The following CNTNAP3B variants were observed in gnomAD, a reference collection of about 807,000 sequenced individuals.
The protein encoded by CNTNAP3B is contactin-associated protein-like 3B.
Under a neutral mutation model 108.9 loss-of-function variants are expected in CNTNAP3B, and 25 were observed. That is an observed-to-expected ratio of 0.23 (90% CI 0.17 to 0.32). The LOEUF (loss-of-function observed/expected upper bound fraction) is 0.32. Among genes scored for constraint, CNTNAP3B ranks in the 10% least tolerant of loss-of-function variants. The pLI is 1.00. For missense variants in CNTNAP3B, 252 were observed against 1,210.4 expected, an observed-to-expected ratio of 0.21 and a Z score of 11.75; for synonymous variants, 103 against 473.4, an observed-to-expected ratio of 0.22 and a Z score of 10.16.
rs567652726 is a variant in CNTNAP3B, at chr9:42,129,260, C to T, written c.-166G>A. On this transcript the variant is annotated 5_prime_UTR_variant, in exon 1 of 24. Coordinates refer to ENST00000377561, the MANE Select transcript of CNTNAP3B (RefSeq NM_001201380.3). ...TTCCTCACGCACTGGCAGCCTCCCT[C>T]GGCGCTGCAGACCCTCCCGCCAAGC... 2,647 of 1,055,584 alleles carry T rather than the reference C, an allele frequency of 2.5e-3. 11 individuals carry two copies. The highest frequency in any genetic ancestry group is 0.017 in the Middle Eastern group (51 of 3,066). The allele number at this position is 1,055,584 out of a possible 1,614,324, so 65.4% of individuals were successfully genotyped here. A position where few individuals can be genotyped will look rare whatever the true frequency, so the allele number is the denominator to read the frequency against.
intron 3 of CNTNAP3B, among the ~76,000 whole-genome samples, chr9:42,044,385 C>T (rs889725243): frequency 6.7e-6 from 1 of 150,180 alleles, no homozygotes; most frequent in Admixed American, 6.6e-5. Context: ...GTATCACCTC[C>T]ATTTCTCACA....
Position 41,926,353 on chromosome 9 carries a change from T to C in CNTNAP3B, c.2366-2260A>G, listed in dbSNP as rs1258546373. 6.6e-5 allele frequency among the ~76,000 whole-genome samples: 10 copies of C among 152,386 alleles called. No individual in the cohort carries two copies. In the East Asian group the frequency reaches 7.7e-4, roughly 12 times the overall value. ...AAGGGAAAAGAATCAATAAGTGTTA[T>C]GTTAAAGAAAACAGAGATGAAGATA... On this transcript the variant is annotated intron_variant, in intron 15 of 23. Coordinates refer to ENST00000377561, the MANE Select transcript of CNTNAP3B (RefSeq NM_001201380.3).
chr9:41,947,262 GGGAGCCAAACA>G (rs1349102691), intron 13 of CNTNAP3B, among the ~76,000 whole-genome samples: 1 of 151,588 alleles, frequency 6.6e-6, no homozygotes, highest in Non-Finnish European at 1.5e-5. Context: ...CCATATCCCT[GGGAGCCAAACA>G]AACCTCAACA....
At chr9:42,105,731 AC>A (rs1173920743) in intron 1 of CNTNAP3B, among the ~76,000 whole-genome samples, 7 of 99,972 alleles carry the variant, frequency 7.0e-5, no homozygotes, top group Non-Finnish European at 1.5e-4. Flanking sequence ...TCCTGTAATC[AC>A]TGTACTTTCA....
At position 42,116,652 on chromosome 9, in the gene CNTNAP3B, G is replaced by A. The variant is rs1339909025; in HGVS notation, c.86-11913C>T. Among the ~76,000 whole-genome samples, 5 of 139,404 alleles carry A rather than the reference G, an allele frequency of 3.6e-5. 2 individuals are homozygous for A. Among genetic ancestry groups the A allele is most frequent in the African/African-American group, 1.4e-4 (5 of 35,070 alleles). The allele number at this position is 139,404 out of a possible 152,430, so 91.5% of individuals were successfully genotyped here. A position where few individuals can be genotyped will look rare whatever the true frequency, so the allele number is the denominator to read the frequency against. ...ATAACCAGTTAACATCATAATGACAGGATCAAATTCACACATAACAATATT... is the reference window on the plus strand; with the variant it reads ...ATAACCAGTTAACATCATAATGACAAGATCAAATTCACACATAACAATATT... On this transcript the variant is annotated intron_variant, in intron 1 of 23. Coordinates refer to ENST00000377561, the MANE Select transcript of CNTNAP3B (RefSeq NM_001201380.3).
chr9:42,060,486 C>CT (rs531773522), intron 3 of CNTNAP3B, among the ~76,000 whole-genome samples: 1,015 of 89,466 alleles, frequency 0.011, 18 homozygotes, highest in South Asian at 0.046. Flanking sequence ...CTATAATTGT[C>CT]TTTTTTTGTA....
rs867910355 is a variant in CNTNAP3B, at chr9:42,001,442, A to G, written c.539-2838T>C. ...AAAAAAACAGTTCTACCTAGCCATA[A>G]TCAATGCAAATATTCCCCTACAATA... On this transcript the variant is annotated intron_variant, in intron 4 of 23. Coordinates refer to ENST00000377561, the MANE Select transcript of CNTNAP3B (RefSeq NM_001201380.3). Among the ~76,000 whole-genome samples the G allele has an allele frequency of 5.1e-3, 682 of 134,488 alleles. 126 individuals are homozygous for G. Among genetic ancestry groups the G allele is most frequent in the African/African-American group, 0.019 (640 of 33,416 alleles). 88.2% of individuals were successfully genotyped at this position (134,488 alleles called of 152,430 possible). A position where few individuals can be genotyped will look rare whatever the true frequency, so the allele number is the denominator to read the frequency against.
intron 9 of CNTNAP3B, chr9:41,983,824 C>T (rs374296334): frequency 1.2e-5 from 1 of 85,494 alleles, no homozygotes; most frequent in African/African-American, 4.4e-5. Flanking sequence ...CCGAGGCGGT[C>T]GAATCACAAG....
chr9:41,964,745 A>G, intron 10 of CNTNAP3B, 101 bp from the exon 11 acceptor site: 1 of 1,473,050 alleles, frequency 6.8e-7, no homozygotes, highest in Non-Finnish European at 9.1e-7. Flanking sequence ...CATACGCAAG[A>G]TAACCCCACA....
At chr9:42,060,151 C>T (rs1354537159) in intron 3 of CNTNAP3B, among the ~76,000 whole-genome samples, 5 of 139,306 alleles carry the variant, frequency 3.6e-5, no homozygotes, top group Non-Finnish European at 6.2e-5. Flanking sequence ...AGGATGTTAG[C>T]TGAGGGTTTG....
In CNTNAP3B at chr9:42,121,342, T is replaced by A. The variant is rs1366044874; in HGVS notation, c.85+7668A>T. Among the ~76,000 whole-genome samples, 11 of 139,490 alleles carry A rather than the reference T, an allele frequency of 7.9e-5. 3 individuals are homozygous for A. The highest frequency in any genetic ancestry group is 3.1e-4 in the African/African-American group (11 of 35,124). The allele number at this position is 139,490 out of a possible 152,430, so 91.5% of individuals were successfully genotyped here. A position where few individuals can be genotyped will look rare whatever the true frequency, so the allele number is the denominator to read the frequency against. ...AGCTCACTTTCTAAAAGAGGCTACC[T>A]GCACAAACGCCCATCACAGGCTCAG... On this transcript the variant is annotated intron_variant, in intron 1 of 23. Transcript: ENST00000377561.
At chr9:41,956,575 A>G (rs1370695509) in intron 12 of CNTNAP3B, among the ~76,000 whole-genome samples, 1 of 151,044 alleles carries the variant, frequency 6.6e-6, no homozygotes, top group African/African-American at 2.4e-5. Flanking sequence ...ATGTCCCAGA[A>G]GAAAAAAGAA....
chr9:42,078,676 A>G lies in CNTNAP3B; in HGVS notation c.197-1614T>C, dbSNP rs376039523. Reference sequence around the variant, plus strand: ...GGACACAGCTCTTGTTCAAAGTTAAATGTTCTGCTATAGATCAGGGGCATC... The same window carrying G: ...GGACACAGCTCTTGTTCAAAGTTAAGTGTTCTGCTATAGATCAGGGGCATC... On this transcript the variant is annotated intron_variant, in intron 2 of 23. Coordinates refer to ENST00000377561, the MANE Select transcript of CNTNAP3B (RefSeq NM_001201380.3). Among the ~76,000 whole-genome samples the G allele has an allele frequency of 1.3e-3, 157 of 121,948 alleles. 3 individuals carry two copies. The highest frequency in any genetic ancestry group is 4.2e-3 in the South Asian group (16 of 3,836). 80.0% of individuals were successfully genotyped at this position (121,948 alleles called of 152,430 possible).
chr9:42,094,474 A>G lies in CNTNAP3B; in HGVS notation c.196+10155T>C, dbSNP rs1777511432. 1.6e-5 allele frequency among the ~76,000 whole-genome samples: 2 copies of G among 128,984 alleles called. 1 individual carries two copies. Among genetic ancestry groups the G allele is most frequent in the African/African-American group, 6.3e-5 (2 of 31,662 alleles). 84.6% of individuals were successfully genotyped at this position (128,984 alleles called of 152,430 possible). Reference sequence around the variant, plus strand: ...ATTCAAGACCAGCCTGAGCAACATAATGAGATCCCATCTTTACAAAAAATA... The same window carrying G: ...ATTCAAGACCAGCCTGAGCAACATAGTGAGATCCCATCTTTACAAAAAATA... On this transcript the variant is annotated intron_variant, in intron 2 of 23. Coordinates refer to ENST00000377561, the MANE Select transcript of CNTNAP3B (RefSeq NM_001201380.3).
chr9:41,955,694 G>A, intron 12 of CNTNAP3B, among the ~76,000 whole-genome samples: 1 of 152,296 alleles, frequency 6.6e-6, no homozygotes, highest in Non-Finnish European at 1.5e-5. Context: ...GTTCAGAGGT[G>A]TGGCTGAGTC....
At chr9:41,953,140 C>G (rs536569257) in intron 13 of CNTNAP3B, 43 bp downstream of exon 13, 25 of 1,465,834 alleles carry the variant, frequency 1.7e-5, no homozygotes, top group Non-Finnish European at 2.1e-5. Context: ...AGGGCCGCGC[C>G]CCGGCCTCGT....
At position 42,125,294 on chromosome 9, in the gene CNTNAP3B, A is replaced by C. The variant is rs575661282; in HGVS notation, c.85+3716T>G. Among the ~76,000 whole-genome samples the C allele has an allele frequency of 7.2e-5, 10 of 138,662 alleles. 1 individual carries two copies. Among genetic ancestry groups the C allele is most frequent in the African/African-American group, 2.0e-4 (7 of 34,846 alleles). The allele number at this position is 138,662 out of a possible 152,430, so 91.0% of individuals were successfully genotyped here. The stretch of plus-strand genomic sequence containing the variant: ...GTCAATCTGGAATGCCTCCTTCCTC[A>C]CTCCACTCAACCTCTGACAACTTGC... On this transcript the variant is annotated intron_variant, in intron 1 of 23. Transcript: ENST00000377561.
chr9:42,085,220 A>C (rs1827678621), intron 2 of CNTNAP3B, among the ~76,000 whole-genome samples: 1 of 151,930 alleles, frequency 6.6e-6, no homozygotes, highest in South Asian at 2.1e-4. Flanking sequence ...CTCTTCACCT[A>C]GTTTCTACCA....
intron 15 of CNTNAP3B, among the ~76,000 whole-genome samples, chr9:41,924,326 A>G (rs1427149837): frequency 2.0e-5 from 3 of 152,300 alleles, no homozygotes; most frequent in Non-Finnish European, 4.4e-5. Context: ...AGCGAAGCAA[A>G]AGCAATGAGA....
Sources: allele counts gnomAD v4.1 joint callset (sites outside exome capture counted in the v4.1 genomes callset), GRCh38; gene constraint gnomAD v4.1.1; transcripts MANE v1.5; gene names NCBI Gene and HGNC (gene_info 2026-07-23, HGNC 2026-07-21).